Variants in DCLK1 observed in about 807,000 individuals in gnomAD.
The protein encoded by DCLK1 is serine/threonine-protein kinase DCLK1.
DCLK1 carries 16 observed loss-of-function variants against 86.2 expected under a neutral mutation model. That is an observed-to-expected ratio of 0.19 (90% confidence interval 0.13 to 0.28). The LOEUF is 0.28. DCLK1 is among the 10% of genes least tolerant of loss of function. The pLI is 1.00. For synonymous variants in DCLK1, 369 were observed against 370.5 expected, an observed-to-expected ratio of 1.00 and a Z score of 0.05; for missense variants, 590 against 940.2, an observed-to-expected ratio of 0.63 and a Z score of 4.87.
intron 4 of DCLK1, among the ~76,000 whole-genome samples, chr13:35,903,050 G>C (rs376894387): frequency 5.9e-5 from 9 of 152,008 alleles, no homozygotes; most frequent in African/African-American, 2.2e-4. Flanking sequence ...AAAGAAAATG[G>C]CTCTTCAGCA....
chr13:35,796,981 C>G (rs1280956338), intron 15 of DCLK1, among the ~76,000 whole-genome samples: 1 of 152,170 alleles, frequency 6.6e-6, no homozygotes, highest in East Asian at 1.9e-4. Context: ...CCCAGTGGAA[C>G]ACAGTTAGAA....
At chr13:35,785,370 C>T (rs1050046232) in intron 16 of DCLK1, among the ~76,000 whole-genome samples, 6 of 152,026 alleles carry the variant, frequency 3.9e-5, no homozygotes, top group African/African-American at 4.8e-5. Context: ...TGGCTTGCAG[C>T]AGGGGGAAAT....
At chr13:36,095,948 A>G (rs1885003671) in intron 3 of DCLK1, among the ~76,000 whole-genome samples, 1 of 152,192 alleles carries the variant, frequency 6.6e-6, no homozygotes, top group South Asian at 2.1e-4. Context: ...AATAAACCAT[A>G]TAATAAACAA....
chr13:35,986,328 A>C (rs939256848), intron 3 of DCLK1, among the ~76,000 whole-genome samples: 1 of 125,000 alleles, frequency 8.0e-6, no homozygotes, highest in Non-Finnish European at 1.7e-5. Flanking sequence ...AAAAAAAAAA[A>C]GGCCAATGAA....
At chr13:36,100,469 G>A (rs1301103828) in intron 3 of DCLK1, among the ~76,000 whole-genome samples, 4 of 152,198 alleles carry the variant, frequency 2.6e-5, no homozygotes, top group Non-Finnish European at 5.9e-5. Flanking sequence ...TCCAGAAATG[G>A]CCTGAGAAAT....
intron 4 of DCLK1, among the ~76,000 whole-genome samples, chr13:35,933,639 C>T (rs1430412513): frequency 6.6e-6 from 1 of 152,210 alleles, no homozygotes; most frequent in Non-Finnish European, 1.5e-5. Context: ...TCTACATTAC[C>T]CCTTTTAGCC....
At chr13:35,953,398 A>G (rs2153134827) in intron 3 of DCLK1, among the ~76,000 whole-genome samples, 1 of 152,306 alleles carries the variant, frequency 6.6e-6, no homozygotes, top group East Asian at 1.9e-4. Flanking sequence ...TAGTTACCAC[A>G]TATATTGTAT....
chr13:35,774,340 C>A lies in DCLK1; in HGVS notation c.*195G>T. The A allele has an allele frequency of 2.7e-6, 2 of 732,238 alleles. No homozygotes were observed. The highest frequency in any genetic ancestry group is 4.2e-6 in the Non-Finnish European group (2 of 472,124). 45.4% of individuals were successfully genotyped at this position (732,238 alleles called of 1,614,324 possible). A position where few individuals can be genotyped will look rare whatever the true frequency, so the allele number is the denominator to read the frequency against. The stretch of plus-strand genomic sequence containing the variant: ...GAGGACTCTATTAGCAGCAAATTAC[C>A]ATCTTCACAATCACCACGTGTCATC... On this transcript the variant is annotated 3_prime_UTR_variant, in exon 17 of 17. Coordinates refer to ENST00000360631, the MANE Select transcript of DCLK1 (RefSeq NM_001330071.2).
At chr13:35,926,131 T>C (rs1876105296) in intron 4 of DCLK1, among the ~76,000 whole-genome samples, 1 of 151,802 alleles carries the variant, frequency 6.6e-6, no homozygotes, top group Admixed American at 6.6e-5. Flanking sequence ...CGATCTTGGC[T>C]CACTGCAATG....
intron 4 of DCLK1, among the ~76,000 whole-genome samples, chr13:35,912,251 G>T (rs889664449): frequency 6.6e-6 from 1 of 152,082 alleles, no homozygotes; most frequent in Non-Finnish European, 1.5e-5. Context: ...GGCAGACAGG[G>T]GTAGGTCCGT....
intron 4 of DCLK1, among the ~76,000 whole-genome samples, chr13:35,903,620 AT>A (rs1874507960): frequency 6.6e-6 from 1 of 151,570 alleles, no homozygotes; most frequent in Admixed American, 6.6e-5. Context: ...CTCAAAACTA[AT>A]TTCAAGCTAA....
chr13:35,937,951 G>A (rs1482849156), intron 4 of DCLK1, among the ~76,000 whole-genome samples: 1 of 152,112 alleles, frequency 6.6e-6, no homozygotes, highest in African/African-American at 2.4e-5. Flanking sequence ...CTGGCTGTGG[G>A]CTGAAAGAAG....
At chr13:36,024,220 G>C (rs1391848754) in intron 3 of DCLK1, among the ~76,000 whole-genome samples, 1 of 151,938 alleles carries the variant, frequency 6.6e-6, no homozygotes, top group Admixed American at 6.6e-5. Flanking sequence ...ATTCAGTGTT[G>C]GATTGCAGGT....
At chr13:35,976,501 TC>T in intron 3 of DCLK1, among the ~76,000 whole-genome samples, 1 of 147,486 alleles carries the variant, frequency 6.8e-6, no homozygotes, top group Non-Finnish European at 1.5e-5. Flanking sequence ...AGAAAGGTCC[TC>T]CCAGCACTTC....
At chr13:36,128,678 T>C (rs1319409602) in intron 1 of DCLK1, among the ~76,000 whole-genome samples, 1 of 152,202 alleles carries the variant, frequency 6.6e-6, no homozygotes, top group Non-Finnish European at 1.5e-5. Flanking sequence ...TGTACTTTTT[T>C]CCCTCCAAAT....
intron 4 of DCLK1, among the ~76,000 whole-genome samples, chr13:35,924,765 T>C (rs1876017820): frequency 6.6e-6 from 1 of 152,218 alleles, no homozygotes; most frequent in Admixed American, 6.5e-5. Flanking sequence ...TGAAGGAGCA[T>C]ATTCACCAGA....
chr13:36,024,129 C>T (rs1006571445), intron 3 of DCLK1, among the ~76,000 whole-genome samples: 9 of 151,532 alleles, frequency 5.9e-5, no homozygotes, highest in African/African-American at 1.2e-4. Context: ...CTCCTGACCT[C>T]GTGATCCACC....
chr13:36,129,830 C>G (rs919876040), intron 1 of DCLK1, among the ~76,000 whole-genome samples: 5 of 152,028 alleles, frequency 3.3e-5, no homozygotes, highest in African/African-American at 7.2e-5. Context: ...TCCTATAAAT[C>G]CTGCCATTTC....
At chr13:36,043,633 C>T (rs1882772271) in intron 3 of DCLK1, among the ~76,000 whole-genome samples, 1 of 151,944 alleles carries the variant, frequency 6.6e-6, no homozygotes, top group South Asian at 2.1e-4. Context: ...TGAATAGATC[C>T]TACGGGATGC....
Sources: gnomAD v4.1 joint callset for allele counts (sites outside exome capture counted in the v4.1 genomes callset) on GRCh38, gnomAD v4.1.1 for gene constraint, MANE v1.5 for transcripts, NCBI Gene and HGNC (gene_info 2026-07-23, HGNC 2026-07-21) for gene names.